The following FAM237A variants were observed in gnomAD, a reference collection of about 807,000 sequenced individuals.
FAM237A encodes protein FAM237A.
In FAM237A, 14 loss-of-function variants were observed where a neutral mutation model predicts 12.5. The ratio of observed to expected loss-of-function variants is 1.12; its 90% CI spans 0.74 to 1.75. FAM237A has a LOEUF of 1.75. Ranked by LOEUF, FAM237A falls within the 40% of genes most tolerant of loss-of-function variation. The pLI is 0.00. For synonymous variants in FAM237A, 85 were observed against 77.5 expected (o/e 1.10, Z -0.51); for missense variants, 240 against 211.7 (o/e 1.13, Z -0.83).
chr2:206,648,590 T>C, intron 2 of FAM237A, 71 bp from the exon 3 acceptor site: 1 of 1,436,780 alleles, frequency 7.0e-7, no homozygotes, highest in Non-Finnish European at 9.3e-7. Context: ...CTTTTAAAGA[T>C]AATTTATTGA....
chr2:206,644,386 G>A lies in FAM237A; in HGVS notation c.150G>A (p.Trp50Ter). 6.2e-7 allele frequency: 1 copy of A among 1,613,774 alleles called. No individual in the cohort carries two copies. Among genetic ancestry groups the A allele is most frequent in the South Asian group, 1.1e-5 (1 of 91,026 alleles). The change falls in exon 2 of 3, where the codon TGG becomes TGA. Residue 50 changes from tryptophan (W) to a stop codon, truncating the protein, a stop_gained. Transcript: ENST00000441223. LOFTEE classifies it high-confidence loss of function. ...LALSQADPQC[W>*]ESSSVLLLEM... ...TTAGCCAAGCTGATCCTCAGTGCTG[G>A]GAATCCTCCTCAGTGCTTCTCCTGG...
intron 1 of FAM237A, chr2:206,643,383 A>C (rs907735356): frequency 1.3e-5 from 2 of 152,204 alleles, no homozygotes; most frequent in Non-Finnish European, 2.9e-5. Context: ...GGTTATTATT[A>C]TTTCAAGAGC....
At chr2:206,645,639 G>A (rs1699308460) in intron 2 of FAM237A, among the ~76,000 whole-genome samples, 1 of 152,094 alleles carries the variant, frequency 6.6e-6, no homozygotes, top group Non-Finnish European at 1.5e-5. Context: ...TAGTTCTAGT[G>A]CTACCCTTTC....
chr2:206,645,313 A>G (rs989313763), intron 2 of FAM237A, among the ~76,000 whole-genome samples: 5 of 152,246 alleles, frequency 3.3e-5, no homozygotes, highest in Non-Finnish European at 5.9e-5. Flanking sequence ...AGTAAATACT[A>G]TATTCAAATA....
intron 2 of FAM237A, among the ~76,000 whole-genome samples, chr2:206,645,604 A>G (rs568368002): frequency 2.6e-5 from 4 of 152,344 alleles, no homozygotes; most frequent in African/African-American, 9.6e-5. Flanking sequence ...TGTAACCTCC[A>G]TATTAAAATA....
Position 206,644,635 on chromosome 2 carries a change from A to G in FAM237A, c.399A>G (p.Thr133=), listed in dbSNP as rs773307974. The change falls in exon 2 of 3, where the codon ACA becomes ACG. Residue 133 remains threonine (T), a synonymous_variant. Transcript: ENST00000441223. ...EKISAAQPQH[T]RSKQGTYSQL... ...TCTCAGCAGCGCAGCCACAGCACAC[A>G]AGGAGTAAACAAGGTGGTCAACCCC... 8 of 1,581,532 alleles carry G rather than the reference A, an allele frequency of 5.1e-6. No homozygotes were observed. In the South Asian group the frequency reaches 8.3e-5, roughly 16 times the overall value.
intron 2 of FAM237A, among the ~76,000 whole-genome samples, chr2:206,646,567 G>A (rs1162161106): frequency 6.6e-6 from 1 of 152,180 alleles, no homozygotes; most frequent in African/African-American, 2.4e-5. Context: ...TAGGGAGTTG[G>A]TATGCAAGTA....
intron 1 of FAM237A, chr2:206,643,353 G>C (rs569487935): frequency 1.3e-5 from 2 of 151,922 alleles, no homozygotes; most frequent in African/African-American, 4.8e-5. Flanking sequence ...ACTTTTTCTG[G>C]CAAAAAAAGT....
chr2:206,645,369 T>C (rs1194692479), intron 2 of FAM237A, among the ~76,000 whole-genome samples: 4 of 152,190 alleles, frequency 2.6e-5, no homozygotes, highest in Non-Finnish European at 5.9e-5. Flanking sequence ...AGAATTAGAA[T>C]GAGGTTGAGT....
intron 1 of FAM237A, chr2:206,643,464 A>T (rs1699278776): frequency 6.6e-6 from 1 of 152,228 alleles, no homozygotes; most frequent in South Asian, 2.1e-4. Context: ...AGATGACTCA[A>T]TTTTATGGCA....
At chr2:206,644,150 T>A in intron 1 of FAM237A, 77 bp from the exon 2 acceptor site, 1 of 1,306,022 alleles carries the variant, frequency 7.7e-7, no homozygotes, top group Admixed American at 2.9e-5. Flanking sequence ...GAAGTAAGGT[T>A]ATTAAGGGCA....
Position 206,644,379 on chromosome 2 carries a change from A to G in FAM237A, c.143A>G (p.Gln48Arg), listed in dbSNP as rs751384481. The G allele has an allele frequency of 1.1e-5, 18 of 1,613,784 alleles. No homozygotes were observed. In the South Asian group the frequency reaches 1.5e-4, roughly 14 times the overall value. The change falls in exon 2 of 3, where the codon CAG becomes CGG. Residue 48 changes from glutamine to arginine, a missense_variant. Coordinates refer to ENST00000441223, the MANE Select transcript of FAM237A (RefSeq NM_001102659.3). ...DLLALSQADP[Q>R]CWESSSVLLL... ...CTGGCTCTTAGCCAAGCTGATCCTC[A>G]GTGCTGGGAATCCTCCTCAGTGCTT...
chr2:206,642,870 AAACTT>A lies in FAM237A; in HGVS notation c.-11+290_-11+294del. Reference sequence around the variant, plus strand: ...CCTTGGACAGAGTCCTGCCCTCTGAAAACTTAGCTTAGACTTGTCCTTTAGGAAAA... The same window carrying A: ...CCTTGGACAGAGTCCTGCCCTCTGAAAGCTTAGACTTGTCCTTTAGGAAAA... On this transcript the variant is annotated intron_variant, in intron 1 of 2. Coordinates refer to ENST00000441223, the MANE Select transcript of FAM237A (RefSeq NM_001102659.3). This position sits in a 1 kb window ranked among gnomAD's most constrained non-coding sequence, Gnocchi z 5.1. Among the ~76,000 whole-genome samples the A allele has an allele frequency of 6.6e-6, 1 of 152,350 alleles. No homozygotes were observed. The highest frequency in any genetic ancestry group is 6.5e-5 in the Admixed American group (1 of 15,310).
Position 206,648,747 on chromosome 2 carries a change from G to T in FAM237A, c.499G>T (p.Gly167Trp). The part of the protein sequence containing the change: ...DLISMHVRRS[G>W]SSVIGKVNLE... ...GATAAGCATGCATGTGCGTAGGAGT[G>T]GGTCTAGTGTCATTGGAAAAGTGAA... is the stretch of plus-strand genomic sequence containing the variant. Residue 167 changes from glycine to tryptophan, a missense_variant, in exon 3 of 3, where the codon GGG (glycine) becomes TGG (tryptophan). Gly to Trp is a radical substitution (Grantham distance 184). Coordinates refer to ENST00000441223, the MANE Select transcript of FAM237A (RefSeq NM_001102659.3). 1.9e-6 allele frequency: 3 copies of T among 1,561,656 alleles called. No homozygotes were observed. The highest frequency in any genetic ancestry group is 2.6e-6 in the Non-Finnish European group (3 of 1,151,742).
intron 2 of FAM237A, 51 bp downstream of exon 2, chr2:206,644,699 T>C (rs1344466692): frequency 2.7e-6 from 4 of 1,460,140 alleles, no homozygotes; most frequent in Non-Finnish European, 3.6e-6. Context: ...CAAGTATGAA[T>C]GTGCTGAATT....
chr2:206,643,340 T>C (rs969814342), intron 1 of FAM237A: 2 of 152,222 alleles, frequency 1.3e-5, no homozygotes, highest in Admixed American at 1.3e-4. Flanking sequence ...AAGGAATATA[T>C]ACACTTTTTC....
Position 206,648,927 on chromosome 2 carries a change from T to C in FAM237A, c.*133T>C. Reference sequence around the variant, plus strand: ...TAAATATGAACCCAAATTCTCTCAGTATACTAATTTAAAGCTGCCTTCTAT... The same window carrying C: ...TAAATATGAACCCAAATTCTCTCAGCATACTAATTTAAAGCTGCCTTCTAT... On this transcript the variant is annotated 3_prime_UTR_variant, in exon 3 of 3. Coordinates refer to ENST00000441223, the MANE Select transcript of FAM237A (RefSeq NM_001102659.3). The C allele has an allele frequency of 1.7e-6, 1 of 594,436 alleles. No individual in the cohort carries two copies. The highest frequency in any genetic ancestry group is 4.3e-5 in the Admixed American group (1 of 23,488). The allele number at this position is 594,436 out of a possible 1,614,324, so 36.8% of individuals were successfully genotyped here. A position where few individuals can be genotyped will look rare whatever the true frequency, so the allele number is the denominator to read the frequency against.
In FAM237A at chr2:206,648,897, A is replaced by G; in HGVS notation, c.*103A>G. Reference sequence around the variant, plus strand: ...TTTATTTTAAATGGTGGGAATGCCCAGAGATAAATATGAACCCAAATTCTC... The same window carrying G: ...TTTATTTTAAATGGTGGGAATGCCCGGAGATAAATATGAACCCAAATTCTC... On this transcript the variant is annotated 3_prime_UTR_variant, in exon 3 of 3. Transcript: ENST00000441223. The G allele has an allele frequency of 1.0e-6, 1 of 954,426 alleles. No individual in the cohort carries two copies. The highest frequency in any genetic ancestry group is 1.4e-6 in the Non-Finnish European group (1 of 706,476). 59.1% of individuals were successfully genotyped at this position (954,426 alleles called of 1,614,324 possible). A position where few individuals can be genotyped will look rare whatever the true frequency, so the allele number is the denominator to read the frequency against.
intron 2 of FAM237A, among the ~76,000 whole-genome samples, chr2:206,644,908 A>G (rs989758336): frequency 2.8e-4 from 42 of 152,242 alleles, no homozygotes; most frequent in Admixed American, 2.7e-3. Flanking sequence ...GAAAGAAAAG[A>G]CAAAAAGCAT....
Sources: gnomAD v4.1 joint callset for allele counts (sites outside exome capture counted in the v4.1 genomes callset) on GRCh38, gnomAD v4.1.1 for gene constraint, Gnocchi (gnomAD v3.1) non-coding constraint, MANE v1.5 for transcripts, NCBI Gene and HGNC (gene_info 2026-07-23, HGNC 2026-07-21) for gene names.